The following ARVCF variants were observed in gnomAD, a reference collection of about 807,000 sequenced individuals.
The protein encoded by ARVCF is splicing regulator ARVCF.
ARVCF carries 66 observed loss-of-function variants against 90.9 expected under a neutral mutation model. The observed-to-expected ratio is 0.73, with a 90% CI of 0.60 to 0.89. ARVCF has a LOEUF of 0.89. ARVCF is among the 40% of genes least tolerant of loss of function. The pLI, the probability that ARVCF is intolerant of heterozygous loss-of-function variation, is 0.00. For missense variants in ARVCF, 1,469 were observed against 1,382.3 expected, an observed-to-expected ratio of 1.06 and a Z score of -1.00; for synonymous variants, 653 against 603.4, an observed-to-expected ratio of 1.08 and a Z score of -1.21.
chr22:19,974,126 C>A lies in ARVCF; in HGVS notation c.2074G>T (p.Ala692Ser). 6.2e-7 allele frequency: 1 copy of A among 1,611,414 alleles called. No individual in the cohort carries two copies. The highest frequency in any genetic ancestry group is 8.5e-7 in the Non-Finnish European group (1 of 1,179,202). ...TGGTCCCTCACCATCCAGTTGCCGG[C>A]ACTGAGGTTCTGCAGAGCGCCGGCG... ...AAAGALQNLS[A>S]GNWMWATYIR... Residue 692 changes from alanine (A) to serine (S), a missense_variant, in exon 12 of 20, where the codon GCC (alanine) becomes TCC (serine). Coordinates refer to ENST00000263207, the MANE Select transcript of ARVCF (RefSeq NM_001670.3).
chr22:19,981,194 G>T lies in ARVCF; in HGVS notation c.896+17C>A, dbSNP rs1031409878. On this transcript the variant is annotated intron_variant, in intron 5 of 19. Transcript: ENST00000263207. ...CTTCCCAGAGGAGGTAGCCACAGGG[G>T]ACGGGGTGCAGCTCACCTGGTATGA... The T allele has an allele frequency of 3.3e-6, 5 of 1,511,038 alleles. No homozygotes were observed. In the African/African-American group the frequency reaches 5.5e-5, roughly 17 times the overall value. 93.6% of individuals were successfully genotyped at this position (1,511,038 alleles called of 1,614,324 possible).
At chr22:19,971,110 G>C (rs1240447788) in intron 19 of ARVCF, 106 bp downstream of exon 19, 17 of 1,531,624 alleles carry the variant, frequency 1.1e-5, no homozygotes, top group Non-Finnish European at 1.5e-5. Flanking sequence ...AAAGTCCTGC[G>C]GGGAACGTGC....
In ARVCF at chr22:19,971,289, G is replaced by T. The variant is rs778383588; in HGVS notation, c.2828C>A (p.Ala943Glu). Residue 943 changes from alanine (A) to glutamate (E), a missense_variant, in exon 19 of 20, where the codon GCG becomes GAG. Transcript: ENST00000263207. ...CCCTACGGCGTCCACCAGCCTGACCGCGGGCCTGCTGGGCCCGGGGGGAGG... is the reference window on the plus strand; with the variant it reads ...CCCTACGGCGTCCACCAGCCTGACCTCGGGCCTGCTGGGCCCGGGGGGAGG... ...KAPPPGPSRP[A>E]VRLVDAVGDA... The T allele has an allele frequency of 1.9e-6, 3 of 1,557,056 alleles. No individual in the cohort carries two copies. The highest frequency in any genetic ancestry group is 1.2e-5 in the South Asian group (1 of 84,690).
In ARVCF at chr22:19,973,276, C is replaced by T. The variant is rs1942948079; in HGVS notation, c.2281G>A (p.Ala761Thr). Residue 761 changes from alanine to threonine, a missense_variant, in exon 14 of 20, where the codon GCA becomes ACA. Coordinates refer to ENST00000263207, the MANE Select transcript of ARVCF (RefSeq NM_001670.3). The part of the protein sequence containing the change: ...MAELVRNVRN[A>T]QAPPRPGACL... ...GCCCCCGGTCGCGGCGGAGCCTGTG[C>T]ATTGCGCACATTCCGCACAAGCTCA... 6.2e-7 allele frequency: 1 copy of T among 1,607,162 alleles called. No individual in the cohort carries two copies.
Position 19,971,969 on chromosome 22 carries a change from C to T in ARVCF, c.2698G>A (p.Gly900Arg), listed in dbSNP as rs374705390. The T allele has an allele frequency of 8.5e-5, 136 of 1,609,192 alleles. No homozygotes were observed. Among genetic ancestry groups the T allele is most frequent in the Non-Finnish European group, 1.1e-4 (124 of 1,177,992 alleles). Residue 900 changes from glycine (G) to arginine (R), a missense_variant and splice_region_variant, in exon 18 of 20, where the codon GGA (glycine) becomes AGA (arginine). Physicochemically the swap from Gly to Arg is moderately radical, Grantham distance 125. Transcript: ENST00000263207. ...TCCCTCCGGTCCACCGTGGAGTATC[C>T]GTCTGTAGATGGGGTAAGGTGGGGC... ...VIPMDALGPD[G>R]YSTVDRRERR...
chr22:19,981,024 G>T, intron 5 of ARVCF, 187 bp downstream of exon 5: 1 of 727,726 alleles, frequency 1.4e-6, no homozygotes, highest in Non-Finnish European at 2.1e-6. Flanking sequence ...GCAGGACAGT[G>T]CCCAGCCGAA....
intron 2 of ARVCF, among the ~76,000 whole-genome samples, chr22:19,992,335 G>A (rs1324692379): frequency 6.6e-6 from 1 of 152,234 alleles, no homozygotes; most frequent in Admixed American, 6.5e-5. Flanking sequence ...AATGCAGGGA[G>A]AGCTGGGGGC....
In ARVCF at chr22:19,973,016, T is replaced by G. The variant is rs1486472356; in HGVS notation, c.2459A>C (p.Lys820Thr). The G allele has an allele frequency of 6.2e-7, 1 of 1,613,266 alleles. No individual in the cohort carries two copies. The highest frequency in any genetic ancestry group is 2.2e-5 in the East Asian group (1 of 44,842). ...VASSQSVREA[K>T]AASHVLQTVW... ...TGTCTGCAGCACGTGTGACGCCGCC[T>G]TCGCTTCGCGTACCGATTGGCTGTG... Residue 820 changes from lysine (K) to threonine (T), a missense_variant, in exon 15 of 20, where the codon AAG becomes ACG. By Grantham distance (78) the Lys-to-Thr change is moderately conservative. Coordinates refer to ENST00000263207, the MANE Select transcript of ARVCF (RefSeq NM_001670.3).
chr22:19,991,539 G>A (rs954909957), intron 2 of ARVCF, among the ~76,000 whole-genome samples: 1 of 152,240 alleles, frequency 6.6e-6, no homozygotes, highest in Admixed American at 6.5e-5. Flanking sequence ...GAAGTGGCTG[G>A]TGTGTGTGAT....
chr22:19,978,984 G>A lies in ARVCF; in HGVS notation c.1493C>T (p.Ser498Leu), dbSNP rs151212384. The change falls in exon 7 of 20, where the codon TCA (serine) becomes TTA (leucine). Residue 498 changes from serine to leucine, a missense_variant. Coordinates refer to ENST00000263207, the MANE Select transcript of ARVCF (RefSeq NM_001670.3). ...TLTHEVIVPH[S>L]GWEREPNEDS... The stretch of plus-strand genomic sequence containing the variant: ...CTCGTTGGGCTCACGCTCCCATCCT[G>A]AGTGGGGCACGATCACCTCGTGGGT... 2 of 1,613,426 alleles carry A rather than the reference G, an allele frequency of 1.2e-6. No homozygotes were observed. The highest frequency in any genetic ancestry group is 1.7e-6 in the Non-Finnish European group (2 of 1,179,954).
At chr22:19,985,441 A>G (rs1943714787) in intron 3 of ARVCF, among the ~76,000 whole-genome samples, 2 of 152,140 alleles carry the variant, frequency 1.3e-5, no homozygotes, top group African/African-American at 4.8e-5. Flanking sequence ...TGCTCACAAG[A>G]GGGTCCCGGG....
intron 3 of ARVCF, among the ~76,000 whole-genome samples, chr22:19,982,625 G>A (rs1241962629): frequency 6.6e-6 from 1 of 152,162 alleles, no homozygotes; most frequent in African/African-American, 2.4e-5. Context: ...ACTGACTCCT[G>A]TGGCCACACT....
intron 7 of ARVCF, 94 bp downstream of exon 7, chr22:19,978,803 G>T: frequency 7.0e-7 from 1 of 1,430,714 alleles, no homozygotes; most frequent in Non-Finnish European, 9.4e-7. Context: ...AAGCTCTGGC[G>T]CTCCTAAGCT....
chr22:19,997,283 C>T (rs1286270572), intron 2 of ARVCF, among the ~76,000 whole-genome samples: 1 of 152,158 alleles, frequency 6.6e-6, no homozygotes, highest in Non-Finnish European at 1.5e-5. Flanking sequence ...GGTGAGCAGG[C>T]AGGGCAGGCG....
At chr22:20,002,540 A>G (rs912656535) in intron 2 of ARVCF, among the ~76,000 whole-genome samples, 1 of 152,232 alleles carries the variant, frequency 6.6e-6, no homozygotes, top group African/African-American at 2.4e-5. Flanking sequence ...AAACCCCATA[A>G]GGAAAAATTA....
At chr22:20,007,305 G>C (rs1408695826) in intron 2 of ARVCF, among the ~76,000 whole-genome samples, 1 of 152,202 alleles carries the variant, frequency 6.6e-6, no homozygotes, top group Non-Finnish European at 1.5e-5. Context: ...GGGAGGTTGA[G>C]GCAGGAGAAT....
intron 1 of ARVCF, 50 bp downstream of exon 1, chr22:20,016,539 C>T (rs1392830239): frequency 6.6e-6 from 1 of 151,624 alleles, no homozygotes; most frequent in Non-Finnish European, 1.5e-5. Context: ...CGGCTCCGAC[C>T]CGAGGCCCCA....
intron 2 of ARVCF, among the ~76,000 whole-genome samples, chr22:19,999,939 T>C (rs1332157976): frequency 6.6e-6 from 1 of 152,160 alleles, no homozygotes; most frequent in African/African-American, 2.4e-5. Flanking sequence ...CAAAGTCACT[T>C]TCCCAGCCAT....
intron 11 of ARVCF, among the ~76,000 whole-genome samples, chr22:19,974,489 T>C (rs1183063265): frequency 6.6e-6 from 1 of 152,106 alleles, no homozygotes; most frequent in African/African-American, 2.4e-5. Flanking sequence ...CCAGGAGGCC[T>C]GGGGTGGGGA....
Sources: allele counts gnomAD v4.1 joint callset (sites outside exome capture counted in the v4.1 genomes callset), GRCh38; gene constraint gnomAD v4.1.1; transcripts MANE v1.5; gene names NCBI Gene and HGNC (gene_info 2026-07-23, HGNC 2026-07-21).